Variants in TANC2 observed in about 807,000 individuals in gnomAD.
TANC2 encodes the protein tetratricopeptide repeat, ankyrin repeat and coiled-coil containing 2.
A neutral mutation model predicts 210.5 loss-of-function variants in TANC2; 26 were observed. The ratio of observed to expected loss-of-function variants is 0.12; its 90% CI spans 0.09 to 0.17. The LOEUF is 0.17. Ranked by LOEUF, TANC2 falls within the 10% of genes least tolerant of loss-of-function variation. The probability of loss-of-function intolerance (pLI) is 1.00; values close to 1 mark genes in which losing one functional copy is unlikely to be tolerated. For synonymous variants in TANC2, 931 were observed against 967.1 expected (o/e 0.96, Z 0.69); for missense variants, 2,129 against 2,608.9 (o/e 0.82, Z 4.01).
chr17:63,207,185 T>C (rs956144628), intron 7 of TANC2, among the ~76,000 whole-genome samples: 2 of 151,420 alleles, frequency 1.3e-5, no homozygotes, highest in South Asian at 2.1e-4. Context: ...CCTGAAAGCA[T>C]ATTTATGCAA....
chr17:63,170,994 T>G (rs977393054), intron 5 of TANC2, among the ~76,000 whole-genome samples: 2 of 152,138 alleles, frequency 1.3e-5, no homozygotes, highest in Non-Finnish European at 2.9e-5. Flanking sequence ...CTCAATCTGT[T>G]GGCATTAGAT....
chr17:63,363,717 A>G (rs2047030325), intron 14 of TANC2, among the ~76,000 whole-genome samples: 1 of 152,194 alleles, frequency 6.6e-6, no homozygotes. Flanking sequence ...CCACTGGTCT[A>G]CATGTCTGTT....
In TANC2 at chr17:63,196,685, G is replaced by C. The variant is rs139764435; in HGVS notation, c.582+2546G>C. 2.4e-3 allele frequency among the ~76,000 whole-genome samples: 368 copies of C among 152,264 alleles called. 5 individuals are homozygous for C. Among genetic ancestry groups the C allele is most frequent in the East Asian group, 9.4e-3 (49 of 5,192 alleles). ...AAATTTGTGTTCTAGTTCCAACTCT[G>C]CCACCTACCATTTTGTAAATTTGGA... On this transcript the variant is annotated intron_variant, in intron 6 of 27. Transcript: ENST00000689528.
chr17:63,354,071 C>CTGAGAAGAAACAGATGCA (rs1355383188), intron 13 of TANC2, among the ~76,000 whole-genome samples: 1 of 152,066 alleles, frequency 6.6e-6, no homozygotes, highest in East Asian at 1.9e-4. Context: ...TGTGACCCAG[C>CTGAGAAGAAACAGATGCA]TGAGAAGAAA....
chr17:63,002,446 C>T (rs1032875818), intron 1 of TANC2, among the ~76,000 whole-genome samples: 1 of 152,214 alleles, frequency 6.6e-6, no homozygotes, highest in Non-Finnish European at 1.5e-5. Flanking sequence ...ATGCCTCCAT[C>T]AGTCCATCAA....
At chr17:63,099,590 G>T (rs2037546737) in intron 4 of TANC2, among the ~76,000 whole-genome samples, 1 of 151,960 alleles carries the variant, frequency 6.6e-6, no homozygotes, top group Middle Eastern at 3.2e-3. Context: ...CATCTGTTGT[G>T]AACATATTTT....
intron 5 of TANC2, among the ~76,000 whole-genome samples, chr17:63,191,031 C>G (rs1276322653): frequency 6.6e-6 from 1 of 151,986 alleles, no homozygotes; most frequent in Non-Finnish European, 1.5e-5. Flanking sequence ...ACTGGCCAGA[C>G]TTTTTTCTCC....
intron 2 of TANC2, among the ~76,000 whole-genome samples, chr17:63,034,587 T>C (rs571572428): frequency 5.9e-5 from 9 of 152,164 alleles, no homozygotes; most frequent in Non-Finnish European, 1.2e-4. Context: ...TGAATGGAAA[T>C]TCTGGAAAGG....
chr17:63,115,001 C>T (rs1283534411), intron 4 of TANC2, among the ~76,000 whole-genome samples: 3 of 152,196 alleles, frequency 2.0e-5, no homozygotes, highest in African/African-American at 7.2e-5. Context: ...TCCAAGTTTA[C>T]ATTTTTTGCA....
chr17:63,123,052 A>G (rs1164199969), intron 4 of TANC2, among the ~76,000 whole-genome samples: 2 of 152,248 alleles, frequency 1.3e-5, no homozygotes, highest in Non-Finnish European at 2.9e-5. Context: ...CATGGTAGCC[A>G]TGGAAAATGT....
At chr17:63,178,472 T>A (rs1450321093) in intron 5 of TANC2, among the ~76,000 whole-genome samples, 2 of 152,206 alleles carry the variant, frequency 1.3e-5, no homozygotes, top group Non-Finnish European at 2.9e-5. Flanking sequence ...CGTGCCTTTT[T>A]CAACATTTGT....
chr17:63,285,533 A>C (rs2044194524), intron 9 of TANC2, among the ~76,000 whole-genome samples: 1 of 152,182 alleles, frequency 6.6e-6, no homozygotes, highest in African/African-American at 2.4e-5. Context: ...GAAGACTCAC[A>C]GGACTCAACA....
chr17:63,129,909 CTT>C (rs914665834), intron 4 of TANC2, among the ~76,000 whole-genome samples: 16 of 151,568 alleles, frequency 1.1e-4, no homozygotes, highest in Non-Finnish European at 2.2e-4. Flanking sequence ...ATTTTGAAAA[CTT>C]TTATAGAAGT....
At chr17:63,001,020 A>T (rs1310691051) in intron 1 of TANC2, among the ~76,000 whole-genome samples, 5 of 150,144 alleles carry the variant, frequency 3.3e-5, no homozygotes, top group Admixed American at 1.3e-4. Flanking sequence ...CCATCACTAT[A>T]ATTTATGCCA....
chr17:63,269,924 T>A (rs1187884201), intron 9 of TANC2, among the ~76,000 whole-genome samples: 2 of 152,204 alleles, frequency 1.3e-5, no homozygotes, highest in Non-Finnish European at 2.9e-5. Context: ...TAATTTCATA[T>A]TCCTTGCAAA....
At chr17:63,355,528 A>G (rs2046755718) in intron 14 of TANC2, 138 bp downstream of exon 14, 3 of 983,574 alleles carry the variant, frequency 3.1e-6, no homozygotes, top group African/African-American at 3.3e-5. Flanking sequence ...TCTCAAGGCA[A>G]GGCTATAATG....
intron 7 of TANC2, among the ~76,000 whole-genome samples, chr17:63,211,713 T>G (rs2041891669): frequency 6.6e-6 from 1 of 152,196 alleles, no homozygotes; most frequent in African/African-American, 2.4e-5. Context: ...TGACTGTTAA[T>G]TTCTTGTTAG....
chr17:63,416,787 C>CA (rs1268576812), intron 26 of TANC2, among the ~76,000 whole-genome samples: 2 of 152,204 alleles, frequency 1.3e-5, no homozygotes, highest in African/African-American at 4.8e-5. Flanking sequence ...AGAGTTGCTC[C>CA]AGGGTGCTGA....
At chr17:62,992,234 C>A (rs991620230) in intron 1 of TANC2, among the ~76,000 whole-genome samples, 2 of 152,140 alleles carry the variant, frequency 1.3e-5, no homozygotes, top group South Asian at 4.2e-4. Context: ...AGCAGATACC[C>A]AAGGATGATT....
Sources: gnomAD v4.1 joint callset for allele counts (sites outside exome capture counted in the v4.1 genomes callset) on GRCh38, gnomAD v4.1.1 for gene constraint, MANE v1.5 for transcripts, NCBI Gene and HGNC (gene_info 2026-07-23, HGNC 2026-07-21) for gene names.